Variants in TCTN2 observed in about 807,000 individuals in gnomAD.
TCTN2 encodes tectonic family member 2, also known as tectonic-2.
A neutral mutation model predicts 83.4 loss-of-function variants in TCTN2; 66 were observed. The observed-to-expected ratio is 0.79, with a 90% CI of 0.65 to 0.97. TCTN2 has a LOEUF of 0.97. Among genes scored for constraint, TCTN2 ranks in the 50% least tolerant of loss-of-function variants. The probability of loss-of-function intolerance (pLI) is 0.00; values close to 1 mark genes in which losing one functional copy is unlikely to be tolerated. For missense variants in TCTN2, 794 were observed against 858.1 expected (o/e 0.93, Z 0.93); for synonymous variants, 301 against 326.7 (o/e 0.92, Z 0.85).
intron 14 of TCTN2, among the ~76,000 whole-genome samples, chr12:123,702,220 G>A (rs1332094401): frequency 1.3e-5 from 2 of 152,194 alleles, no homozygotes; most frequent in Non-Finnish European, 2.9e-5. Flanking sequence ...ATGAGTGTGC[G>A]CATCTGCTTT....
Position 123,696,497 on chromosome 12 carries a change from T to G in TCTN2, c.1393+2T>G, listed in dbSNP as rs1235328662. 6.2e-7 allele frequency: 1 copy of G among 1,613,756 alleles called. No individual in the cohort carries two copies. The highest frequency in any genetic ancestry group is 1.1e-5 in the South Asian group (1 of 91,082). On this transcript the variant is annotated splice_donor_variant, in intron 12 of 17. Transcript: ENST00000303372. LOFTEE classifies it high-confidence loss of function. ...CGACTTTACATCTTTGGCAATCGGGTAATCCGGTTTGGTCATTATGATTAG... is the reference window on the plus strand; with the variant it reads ...CGACTTTACATCTTTGGCAATCGGGGAATCCGGTTTGGTCATTATGATTAG...
intron 5 of TCTN2, among the ~76,000 whole-genome samples, chr12:123,682,792 C>T (rs945873047): frequency 6.6e-5 from 10 of 151,960 alleles, no homozygotes; most frequent in Non-Finnish European, 1.5e-4. Context: ...AGGTTGTCTG[C>T]TTTCTTGTTG....
Position 123,673,782 on chromosome 12 carries a change from C to G in TCTN2, c.435C>G (p.Ala145=). 1.9e-6 allele frequency: 3 copies of G among 1,614,124 alleles called. No homozygotes were observed. The highest frequency in any genetic ancestry group is 2.5e-6 in the Non-Finnish European group (3 of 1,180,030). The part of the protein sequence containing the change: ...AHLLIQVEIY[A]NSSLTHNASE... ...TACTCATTCAAGTGGAAATTTATGC[C>G]AACTCTTCTCTGACCCATAATGCCT... The change falls in exon 4 of 18, where the codon GCC becomes GCG. Residue 145 remains alanine, a synonymous_variant. Coordinates refer to ENST00000303372, the MANE Select transcript of TCTN2 (RefSeq NM_024809.5).
intron 5 of TCTN2, 152 bp from the exon 6 acceptor site, chr12:123,686,684 G>A: frequency 2.7e-6 from 2 of 730,730 alleles, no homozygotes; most frequent in Admixed American, 2.4e-5. Flanking sequence ...ACTTTTTGTG[G>A]GCACAAGGCA....
intron 8 of TCTN2, among the ~76,000 whole-genome samples, chr12:123,691,158 C>T (rs112546519): frequency 0.013 from 1,970 of 152,244 alleles, 43 homozygotes; most frequent in African/African-American, 0.044. Flanking sequence ...TGTAAGCCAT[C>T]GCGTCCCACC....
Position 123,695,261 on chromosome 12 carries a change from A to C in TCTN2, c.1276A>C (p.Asn426His). 1 of 1,581,802 alleles carries C rather than the reference A, an allele frequency of 6.3e-7. No homozygotes were observed. Among genetic ancestry groups the C allele is most frequent in the Non-Finnish European group, 8.7e-7 (1 of 1,150,904 alleles). Residue 426 changes from asparagine to histidine, a missense_variant, in exon 11 of 18, where the codon AAT becomes CAT. Transcript: ENST00000303372. ...ATTTGTAGTAAAATTTTTAAGCTAT[A>C]ATAGTGGTAATGAAGAAGAATTATC... ...QRFVVKFLSY[N>H]SGNEEELSGN...
intron 5 of TCTN2, among the ~76,000 whole-genome samples, chr12:123,684,136 G>A (rs561346758): frequency 6.6e-6 from 1 of 152,278 alleles, no homozygotes; most frequent in Admixed American, 6.5e-5. Flanking sequence ...TAGAAAAGCT[G>A]CAGATATTCA....
intron 11 of TCTN2, 62 bp from the exon 12 acceptor site, chr12:123,696,353 C>T: frequency 7.5e-7 from 1 of 1,329,466 alleles, no homozygotes; most frequent in Non-Finnish European, 1.1e-6. Context: ...GTATTATTTG[C>T]AGAGTTAGGG....
At chr12:123,678,653 A>C (rs111553286) in intron 4 of TCTN2, among the ~76,000 whole-genome samples, 4 of 152,144 alleles carry the variant, frequency 2.6e-5, no homozygotes, top group African/African-American at 9.7e-5. Context: ...TTCTAGATCA[A>C]CTATGACTTC....
intron 2 of TCTN2, among the ~76,000 whole-genome samples, 172 bp downstream of exon 2, chr12:123,671,786 T>C (rs1396690647): frequency 6.6e-6 from 1 of 152,204 alleles, no homozygotes; most frequent in Non-Finnish European, 1.5e-5. Flanking sequence ...ACGGACAGGT[T>C]CGAAGAAAGC....
intron 5 of TCTN2, among the ~76,000 whole-genome samples, chr12:123,682,873 T>G (rs1446401546): frequency 7.2e-6 from 1 of 138,212 alleles, no homozygotes; most frequent in Non-Finnish European, 1.6e-5. Flanking sequence ...CTTCTGTTGC[T>G]TGTATTTCTG....
chr12:123,694,769 G>T, intron 9 of TCTN2, 73 bp from the exon 10 acceptor site: 1 of 1,564,034 alleles, frequency 6.4e-7, no homozygotes, highest in South Asian at 1.1e-5. Flanking sequence ...CACGCAAGCA[G>T]AGAGAACCTC....
chr12:123,689,096 C>G (rs547077335), intron 7 of TCTN2, among the ~76,000 whole-genome samples: 1 of 151,468 alleles, frequency 6.6e-6, no homozygotes, highest in East Asian at 1.9e-4. Flanking sequence ...TAGTCTTGCT[C>G]TGTCACCTAG....
chr12:123,707,433 G>T (rs1380712426), intron 17 of TCTN2, among the ~76,000 whole-genome samples, 171 bp from the exon 18 acceptor site: 2 of 152,114 alleles, frequency 1.3e-5, no homozygotes, highest in Non-Finnish European at 2.9e-5. Flanking sequence ...TAGAGACGGG[G>T]TTTCACTGTG....
At chr12:123,697,503 G>A (rs1385354400) in intron 13 of TCTN2, among the ~76,000 whole-genome samples, 1 of 152,056 alleles carries the variant, frequency 6.6e-6, no homozygotes, top group Non-Finnish European at 1.5e-5. Context: ...TTGTTGTTGT[G>A]TGGTTTTTTT....
At chr12:123,702,765 G>A (rs1308771935) in intron 14 of TCTN2, among the ~76,000 whole-genome samples, 1 of 152,202 alleles carries the variant, frequency 6.6e-6, no homozygotes, top group Non-Finnish European at 1.5e-5. Flanking sequence ...GGAGAACCCA[G>A]GTTGATGAGG....
intron 5 of TCTN2, among the ~76,000 whole-genome samples, chr12:123,686,079 A>T (rs1413446365): frequency 6.6e-6 from 1 of 151,064 alleles, no homozygotes; most frequent in Non-Finnish European, 1.5e-5. Flanking sequence ...ACAGAATCTC[A>T]CTGTGTTTCC....
intron 13 of TCTN2, 27 bp downstream of exon 13, chr12:123,697,225 G>A (rs773363149): frequency 8.7e-6 from 13 of 1,490,354 alleles, no homozygotes; most frequent in East Asian, 2.3e-5. Flanking sequence ...TGAATATATC[G>A]GCAATGTGAA....
chr12:123,707,306 G>T (rs1370341167), intron 17 of TCTN2: 3 of 613,546 alleles, frequency 4.9e-6, no homozygotes, highest in Non-Finnish European at 8.6e-6. Flanking sequence ...GAGTGCAGTG[G>T]CACAATCTCA....
Sources: gnomAD v4.1 joint callset for allele counts (sites outside exome capture counted in the v4.1 genomes callset) on GRCh38, gnomAD v4.1.1 for gene constraint, MANE v1.5 for transcripts, NCBI Gene and HGNC (gene_info 2026-07-23, HGNC 2026-07-21) for gene names.